BTD: variants seen among roughly 807,000 people sequenced by gnomAD.
The protein encoded by BTD is biotinidase.
In BTD, 13 loss-of-function variants were observed where a neutral mutation model predicts 17.7. That is an observed-to-expected ratio of 0.74 (90% confidence interval 0.48 to 1.17). The LOEUF (loss-of-function observed/expected upper bound fraction) is 1.17, where lower values mean the gene tolerates loss of function less well. Ranked by LOEUF, BTD falls within the 50% of genes most tolerant of loss-of-function variation. The probability of loss-of-function intolerance (pLI) is 0.00; values close to 1 mark genes in which losing one functional copy is unlikely to be tolerated. For synonymous variants in BTD, 240 were observed against 245.2 expected (o/e 0.98, Z 0.20); for missense variants, 674 against 650.4 (o/e 1.04, Z -0.39).
chr3:15,684,933 G>A (rs2067937979), intron 3 of BTD: 2 of 324,202 alleles, frequency 6.2e-6, no homozygotes, highest in Non-Finnish European at 1.2e-5. Context: ...AGACCAGCCT[G>A]GGCAACATAG....
At chr3:15,711,346 C>T (rs1334088566) in exon 4 of BTD, 2 of 1,290,140 alleles carry the variant, frequency 1.6e-6, no homozygotes, top group African/African-American at 1.5e-5. Context: ...CATGAAACAT[C>T]AAGAATCACA....
At chr3:15,688,091 G>C (rs1559337975) in intron 3 of BTD, among the ~76,000 whole-genome samples, 1 of 152,162 alleles carries the variant, frequency 6.6e-6, no homozygotes, top group South Asian at 2.1e-4. Flanking sequence ...GATTTATGCT[G>C]AACTATATGG....
Position 15,635,533 on chromosome 3 carries a change from C to A in BTD, c.94C>A (p.His32Asn). The A allele has an allele frequency of 6.2e-7, 1 of 1,614,116 alleles. No homozygotes were observed. The highest frequency in any genetic ancestry group is 8.5e-7 in the Non-Finnish European group (1 of 1,180,010). The stretch of plus-strand genomic sequence containing the variant: ...CACCGGGGAGGAGAGCGTGGCTGAC[C>A]ATCACGAGGCTGAATATTATGTGGC... ...AHTGEESVADHHEAEYYVAAV... is the reference protein window; with the variant it reads ...AHTGEESVADNHEAEYYVAAV... Residue 32 changes from histidine (H) to asparagine (N), a missense_variant, in exon 2 of 4, where the codon CAT becomes AAT. Transcript: ENST00000643237. The surrounding 1 kb of genome is among the most constrained non-coding windows in gnomAD (Gnocchi z 4.1).
At chr3:15,702,958 A>C (rs2070831906) in intron 3 of BTD, among the ~76,000 whole-genome samples, 1 of 152,210 alleles carries the variant, frequency 6.6e-6, no homozygotes, top group Non-Finnish European at 1.5e-5. Flanking sequence ...GTCGTGACAG[A>C]GTTTAGACTA....
intron 2 of BTD, among the ~76,000 whole-genome samples, chr3:15,637,727 C>T (rs1209397979): frequency 6.6e-6 from 1 of 152,216 alleles, no homozygotes; most frequent in East Asian, 1.9e-4. Flanking sequence ...CTGAGTCCAG[C>T]ACCTGAAATG....
chr3:15,632,083 G>A (rs762158263), intron 1 of BTD, among the ~76,000 whole-genome samples: 3 of 152,098 alleles, frequency 2.0e-5, no homozygotes, highest in Admixed American at 6.5e-5. Context: ...TCTGCCTGCC[G>A]TGCTCTCACC....
chr3:15,648,845 CAGGG>C lies in BTD; in HGVS notation c.*3360_*3363del, dbSNP rs3048219. On this transcript the variant is annotated 3_prime_UTR_variant, in exon 4 of 4. Coordinates refer to ENST00000643237, the MANE Select transcript of BTD (RefSeq NM_001370658.1). ...ATCAGAAGAGGAGAAGACACACACA[CAGGG>C]AGAAGATGACCATGTGACAACAGGG... Among the ~76,000 whole-genome samples the C allele has an allele frequency of 0.11, 16,617 of 152,108 alleles. 1,181 individuals carry two copies. Among genetic ancestry groups the C allele is most frequent in the East Asian group, 0.39 (2,012 of 5,132 alleles).
intron 3 of BTD, among the ~76,000 whole-genome samples, chr3:15,705,430 G>A (rs2455829): frequency 0.51 from 77,342 of 151,886 alleles, 21,046 homozygotes; most frequent in Admixed American, 0.6. Context: ...ATCTCTCAGC[G>A]GAATCTGGAT....
chr3:15,695,389 A>T (rs566584989), intron 3 of BTD, among the ~76,000 whole-genome samples: 1 of 152,242 alleles, frequency 6.6e-6, no homozygotes, highest in East Asian at 1.9e-4. Context: ...AAATCTATAT[A>T]CATAGGTCTA....
At chr3:15,612,300 T>G (rs1425627267) in intron 1 of BTD, among the ~76,000 whole-genome samples, 6 of 152,230 alleles carry the variant, frequency 3.9e-5, no homozygotes, top group African/African-American at 1.4e-4. Flanking sequence ...CTGATGAGAC[T>G]GATGAGAATA....
chr3:15,602,045 TG>T lies in BTD; in HGVS notation c.-17+152del. 3.4e-6 allele frequency: 5 copies of T among 1,475,398 alleles called. No homozygotes were observed. In the South Asian group the frequency reaches 6.8e-5, roughly 20 times the overall value. 91.4% of individuals were successfully genotyped at this position (1,475,398 alleles called of 1,614,324 possible). A position where few individuals can be genotyped will look rare whatever the true frequency, so the allele number is the denominator to read the frequency against. Reference sequence around the variant, plus strand: ...GCGCGCGTCGTTTGCTGGGGCTGTTTGTGCGTTGCTGCTGTGCTACCGCGTT... The same window carrying T: ...GCGCGCGTCGTTTGCTGGGGCTGTTTTGCGTTGCTGCTGTGCTACCGCGTT... On this transcript the variant is annotated intron_variant, in intron 1 of 3. Transcript: ENST00000643237.
chr3:15,712,245 G>T (rs76592310), exon 4 of BTD: 1 of 1,526,474 alleles, frequency 6.6e-7, no homozygotes, highest in Non-Finnish European at 8.9e-7. Flanking sequence ...GAACAGGACA[G>T]TATCTTCATT....
chr3:15,647,710 A>G lies in BTD; in HGVS notation c.*2222A>G, dbSNP rs2065727421. ...CCTGAAACTCAGGAAGCAAATGGCAATCTTGACCACAACATGGAGACAGGA... is the reference window on the plus strand; with the variant it reads ...CCTGAAACTCAGGAAGCAAATGGCAGTCTTGACCACAACATGGAGACAGGA... On this transcript the variant is annotated 3_prime_UTR_variant, in exon 4 of 4. Coordinates refer to ENST00000643237, the MANE Select transcript of BTD (RefSeq NM_001370658.1). The G allele has an allele frequency of 2.0e-5, 3 of 152,330 alleles. No homozygotes were observed. The South Asian group carries it at 6.2e-4, about 32-fold the overall frequency. 9.4% of individuals were successfully genotyped at this position (152,330 alleles called of 1,614,324 possible).
chr3:15,700,001 A>G (rs1478839096), intron 3 of BTD, among the ~76,000 whole-genome samples: 1 of 152,234 alleles, frequency 6.6e-6, no homozygotes, highest in Non-Finnish European at 1.5e-5. Context: ...TCCATCAATG[A>G]TAGACTGGAT....
At position 15,651,639 on chromosome 3, in the gene BTD, A is replaced by T. The variant is rs1339783684; in HGVS notation, c.*6151A>T. 1.3e-5 allele frequency among the ~76,000 whole-genome samples: 2 copies of T among 152,054 alleles called. No individual in the cohort carries two copies. The highest frequency in any genetic ancestry group is 4.8e-5 in the African/African-American group (2 of 41,412). On this transcript the variant is annotated 3_prime_UTR_variant, in exon 4 of 4. Coordinates refer to ENST00000643237, the MANE Select transcript of BTD (RefSeq NM_001370658.1). ...GTCTCCTCTCTCTTCTCCGCTCCTGACTCCTGCTGCGGCCTCCCACTGGCT... is the reference window on the plus strand; with the variant it reads ...GTCTCCTCTCTCTTCTCCGCTCCTGTCTCCTGCTGCGGCCTCCCACTGGCT...
At chr3:15,610,597 T>C (rs1180527197) in intron 1 of BTD, among the ~76,000 whole-genome samples, 2 of 152,222 alleles carry the variant, frequency 1.3e-5, no homozygotes, top group African/African-American at 4.8e-5. Context: ...CGCATATTTA[T>C]GGGAGTATTT....
At chr3:15,663,145 G>A (rs1412458407) in intron 3 of BTD, among the ~76,000 whole-genome samples, 1 of 152,056 alleles carries the variant, frequency 6.6e-6, no homozygotes, top group Non-Finnish European at 1.5e-5. Context: ...TTATAGGCAT[G>A]CGCCGCCATG....
chr3:15,653,727 G>A (rs977481173), downstream of BTD, among the ~76,000 whole-genome samples: 3 of 152,182 alleles, frequency 2.0e-5, no homozygotes, highest in African/African-American at 7.2e-5. Context: ...TGATTTGTAA[G>A]ATAAGGTATA....
At chr3:15,683,065 T>C (rs745657057) in intron 3 of BTD, among the ~76,000 whole-genome samples, 2 of 152,194 alleles carry the variant, frequency 1.3e-5, no homozygotes, top group Non-Finnish European at 2.9e-5. Flanking sequence ...ATAGATCTGA[T>C]AACAAACACT....
Sources: allele counts gnomAD v4.1 joint callset (sites outside exome capture counted in the v4.1 genomes callset), GRCh38; gene constraint gnomAD v4.1.1; non-coding constraint Gnocchi (gnomAD v3.1); transcripts MANE v1.5; gene names NCBI Gene and HGNC (gene_info 2026-07-23, HGNC 2026-07-21).